SUCLG1: variants seen among roughly 807,000 people sequenced by gnomAD.
The protein encoded by SUCLG1 is succinate--CoA ligase [ADP/GDP-forming] subunit alpha, mitochondrial.
Under a neutral mutation model 37.3 loss-of-function variants are expected in SUCLG1, and 26 were observed. That is an observed-to-expected ratio of 0.70 (90% confidence interval 0.51 to 0.97). SUCLG1 has a LOEUF of 0.97. SUCLG1 is among the 50% of genes least tolerant of loss of function. The probability of loss-of-function intolerance (pLI) is 0.00; values close to 1 mark genes in which losing one functional copy is unlikely to be tolerated. For missense variants in SUCLG1, 433 were observed against 432.9 expected, an observed-to-expected ratio of 1.00 and a Z score of 0.00; for synonymous variants, 163 against 155.6, an observed-to-expected ratio of 1.05 and a Z score of -0.36.
intron 8 of SUCLG1, among the ~76,000 whole-genome samples, chr2:84,424,909 C>T (rs1012325577): frequency 3.3e-5 from 5 of 152,144 alleles, no homozygotes; most frequent in Non-Finnish European, 5.9e-5. Context: ...GGTATCACAA[C>T]ATAGCCAGGG....
intron 2 of SUCLG1, among the ~76,000 whole-genome samples, chr2:84,445,349 C>T (rs937390357): frequency 3.9e-5 from 6 of 152,164 alleles, no homozygotes; most frequent in African/African-American, 1.4e-4. Flanking sequence ...TAAATTCATG[C>T]CCTTGGTGAT....
intron 2 of SUCLG1, among the ~76,000 whole-genome samples, chr2:84,446,602 GCTCT>G (rs1055426601): frequency 2.6e-5 from 4 of 151,874 alleles, no homozygotes; most frequent in Non-Finnish European, 4.4e-5. Flanking sequence ...ACAGGCCAGT[GCTCT>G]CTCTCTCTTA....
intron 7 of SUCLG1, among the ~76,000 whole-genome samples, chr2:84,427,193 C>T (rs1057179231): frequency 6.6e-6 from 1 of 152,160 alleles, no homozygotes; most frequent in Non-Finnish European, 1.5e-5. Flanking sequence ...AAAATCCAGC[C>T]TCACACAGAT....
chr2:84,432,976 T>TTCTTCCCTC, intron 6 of SUCLG1: 1 of 284,120 alleles, frequency 3.5e-6, no homozygotes, highest in Non-Finnish European at 6.8e-6. Flanking sequence ...CCCTCAAGAA[T>TTCTTCCCTC]GAGACACTGA....
chr2:84,450,117 C>T (rs1390553039), intron 1 of SUCLG1, among the ~76,000 whole-genome samples: 2 of 152,070 alleles, frequency 1.3e-5, no homozygotes, highest in Non-Finnish European at 2.9e-5. Flanking sequence ...AAATGTCACC[C>T]CTATTAACAA....
chr2:84,445,997 G>A (rs1340387650), intron 2 of SUCLG1, among the ~76,000 whole-genome samples: 1 of 152,238 alleles, frequency 6.6e-6, no homozygotes, highest in African/African-American at 2.4e-5. Context: ...TGGCCTTGTG[G>A]CTTCCACACA....
At position 84,423,730 on chromosome 2, in the gene SUCLG1, G is replaced by T; in HGVS notation, c.*16C>A. On this transcript the variant is annotated 3_prime_UTR_variant, in exon 9 of 9. Coordinates refer to ENST00000393868, the MANE Select transcript of SUCLG1 (RefSeq NM_003849.4). ...TACGTGATCCATTCCACAGTTTTAGGAATTTTTTTTTTCTTTCATAGCATC... is the reference window on the plus strand; with the variant it reads ...TACGTGATCCATTCCACAGTTTTAGTAATTTTTTTTTTCTTTCATAGCATC... 1 of 1,597,862 alleles carries T rather than the reference G, an allele frequency of 6.3e-7. No individual in the cohort carries two copies. Among genetic ancestry groups the T allele is most frequent in the South Asian group, 1.1e-5 (1 of 89,330 alleles).
chr2:84,448,530 A>G (rs1672885793), intron 2 of SUCLG1, among the ~76,000 whole-genome samples: 1 of 151,586 alleles, frequency 6.6e-6, no homozygotes, highest in Non-Finnish European at 1.5e-5. Flanking sequence ...CAAAAAAAAA[A>G]AAAAAAAAAA....
Position 84,423,675 on chromosome 2 carries a change from C to T in SUCLG1, c.*71G>A. 2 of 1,488,656 alleles carry T rather than the reference C, an allele frequency of 1.3e-6. No homozygotes were observed. The highest frequency in any genetic ancestry group is 1.9e-6 in the Non-Finnish European group (2 of 1,080,562). The allele number at this position is 1,488,656 out of a possible 1,614,324, so 92.2% of individuals were successfully genotyped here. A position where few individuals can be genotyped will look rare whatever the true frequency, so the allele number is the denominator to read the frequency against. The stretch of plus-strand genomic sequence containing the variant: ...CATAGGCTGATTAATCAGTGGACAA[C>T]AGAAGCAAACTGCTGCTGGGTTACA... On this transcript the variant is annotated 3_prime_UTR_variant, in exon 9 of 9. Transcript: ENST00000393868.
At chr2:84,454,866 C>A (rs553080125) in intron 1 of SUCLG1, among the ~76,000 whole-genome samples, 6 of 152,272 alleles carry the variant, frequency 3.9e-5, no homozygotes, top group Admixed American at 1.3e-4. Context: ...CTTGTATGAC[C>A]AGTACCATGC....
Position 84,434,467 on chromosome 2 carries a change from G to C in SUCLG1, c.590-1032C>G, listed in dbSNP as rs537071588. ...GGATTAGGTGTGCGCCGAGGGAGGA[G>C]AGCCAGTGGGGGCCAGGGAGGAGTG... On this transcript the variant is annotated intron_variant, in intron 5 of 8. Transcript: ENST00000393868. 1.2e-4 allele frequency among the ~76,000 whole-genome samples: 18 copies of C among 152,272 alleles called. No homozygotes were observed. The South Asian group carries it at 3.5e-3, about 30-fold the overall frequency.
chr2:84,451,774 T>C (rs965656542), intron 1 of SUCLG1, among the ~76,000 whole-genome samples: 1 of 152,194 alleles, frequency 6.6e-6, no homozygotes, highest in Non-Finnish European at 1.5e-5. Flanking sequence ...GGGAAACCTC[T>C]AATGCACAGG....
intron 2 of SUCLG1, among the ~76,000 whole-genome samples, chr2:84,446,886 A>T (rs1018011795): frequency 6.6e-6 from 1 of 152,154 alleles, no homozygotes; most frequent in African/African-American, 2.4e-5. Context: ...TGCTACAGAC[A>T]CTGAGAAGCA....
At chr2:84,443,229 T>G (rs544770197) in intron 3 of SUCLG1, 55 bp downstream of exon 3, 12 of 1,451,134 alleles carry the variant, frequency 8.3e-6, no homozygotes, top group East Asian at 4.5e-5. Context: ...ACCCAAAGAA[T>G]GCTCGCTCTT....
intron 2 of SUCLG1, among the ~76,000 whole-genome samples, chr2:84,449,165 A>G (rs1348150447): frequency 6.6e-6 from 1 of 152,194 alleles, no homozygotes; most frequent in East Asian, 1.9e-4. Flanking sequence ...AAAGTATAAG[A>G]TGAAAAAAGT....
intron 5 of SUCLG1, among the ~76,000 whole-genome samples, chr2:84,438,931 G>A (rs1445245739): frequency 6.6e-6 from 1 of 152,142 alleles, no homozygotes; most frequent in Non-Finnish European, 1.5e-5. Context: ...ACACGGGCAG[G>A]GGACAAATAA....
rs1182406907 is a variant in SUCLG1 at position 84,443,281 on chromosome 2, T to C, written c.318+3A>G. 1 of 1,612,802 alleles carries C rather than the reference T, an allele frequency of 6.2e-7. No homozygotes were observed. The highest frequency in any genetic ancestry group is 2.2e-5 in the East Asian group (1 of 44,870). On this transcript the variant is annotated splice_donor_region_variant and intron_variant, in intron 3 of 8. Transcript: ENST00000393868. Reference sequence around the variant, plus strand: ...CTTGCCAAACTCAGGTACCACTAATTACCTCCTTCACAGTATTAAAGACAG... The same window carrying C: ...CTTGCCAAACTCAGGTACCACTAATCACCTCCTTCACAGTATTAAAGACAG...
intron 1 of SUCLG1, among the ~76,000 whole-genome samples, chr2:84,450,440 A>G (rs1479749043): frequency 6.6e-6 from 1 of 151,354 alleles, no homozygotes; most frequent in Non-Finnish European, 1.5e-5. Flanking sequence ...ACCCTAGGTT[A>G]TTGCAGCAAC....
Position 84,433,384 on chromosome 2 carries a change from G to A in SUCLG1, c.641C>T (p.Thr214Met), listed in dbSNP as rs1459193356. Reference protein sequence around the residue: ...TLTYEAVHQTTQVGLGQSLCV... With the variant: ...TLTYEAVHQTMQVGLGQSLCV... ...CAAAGACTGCCCCAATCCAACTTGC[G>A]TTGTTTGGTGAACTGCTTCATAAGT... Residue 214 changes from threonine to methionine, a missense_variant, in exon 6 of 9, where the codon ACG (threonine) becomes ATG (methionine). By Grantham distance (81) the Thr-to-Met change is moderately conservative. Transcript: ENST00000393868. 18 of 1,613,784 alleles carry A rather than the reference G, an allele frequency of 1.1e-5. No individual in the cohort carries two copies. The highest frequency in any genetic ancestry group is 3.3e-5 in the Admixed American group (2 of 59,954).
Sources: allele counts gnomAD v4.1 joint callset (sites outside exome capture counted in the v4.1 genomes callset), GRCh38; gene constraint gnomAD v4.1.1; transcripts MANE v1.5; gene names NCBI Gene and HGNC (gene_info 2026-07-23, HGNC 2026-07-21).